ZNF556: variants seen among roughly 807,000 people sequenced by gnomAD.
ZNF556 encodes the protein zinc finger protein 556.
Under a neutral mutation model 13.6 loss-of-function variants are expected in ZNF556, and 11 were observed. The ratio of observed to expected loss-of-function variants is 0.81; its 90% CI spans 0.51 to 1.33. The LOEUF (loss-of-function observed/expected upper bound fraction) is 1.33. Ranked by LOEUF, ZNF556 falls within the 40% of genes most tolerant of loss-of-function variation. The probability of loss-of-function intolerance (pLI) is 0.00; values close to 1 mark genes in which losing one functional copy is unlikely to be tolerated. For missense variants in ZNF556, 633 were observed against 566.2 expected, an observed-to-expected ratio of 1.12 and a Z score of -1.20; for synonymous variants, 229 against 207.8, an observed-to-expected ratio of 1.10 and a Z score of -0.88.
intron 1 of ZNF556, among the ~76,000 whole-genome samples, chr19:2,869,668 A>T (rs1226595995): frequency 6.6e-6 from 1 of 151,948 alleles, no homozygotes; most frequent in African/African-American, 2.4e-5. Flanking sequence ...CGCCCGGCCT[A>T]GATCTCCTCT....
intron 1 of ZNF556, among the ~76,000 whole-genome samples, chr19:2,867,715 A>AC (rs967527658): frequency 7.0e-6 from 1 of 143,304 alleles, no homozygotes; most frequent in African/African-American, 2.7e-5. Context: ...CAAAGTACAA[A>AC]AAACAAAACA....
chr19:2,867,940 T>A (rs536636862), intron 1 of ZNF556, among the ~76,000 whole-genome samples: 11 of 152,262 alleles, frequency 7.2e-5, no homozygotes, highest in Non-Finnish European at 1.3e-4. Context: ...CCTCTCTCCT[T>A]CTAAAGATTG....
chr19:2,874,332 A>G (rs2087831651), intron 2 of ZNF556, among the ~76,000 whole-genome samples: 1 of 152,182 alleles, frequency 6.6e-6, no homozygotes, highest in Admixed American at 6.5e-5. Flanking sequence ...CAGAAGGGGA[A>G]TACATTGGTT....
intron 1 of ZNF556, among the ~76,000 whole-genome samples, chr19:2,869,817 G>A (rs368956395): frequency 6.6e-5 from 10 of 152,254 alleles, no homozygotes; most frequent in Middle Eastern, 3.4e-3. Flanking sequence ...TGTCAGATGA[G>A]ATCACTGCTC....
chr19:2,871,363 G>A (rs1432810340), intron 1 of ZNF556, among the ~76,000 whole-genome samples: 1 of 152,184 alleles, frequency 6.6e-6, no homozygotes. Context: ...GATTCCTAGA[G>A]GAAGAGAGTA....
In ZNF556 at chr19:2,873,590, T is replaced by G. The variant is rs1711978133; in HGVS notation, c.98T>G (p.Met33Arg). The G allele has an allele frequency of 6.2e-7, 1 of 1,614,108 alleles. No individual in the cohort carries two copies. ...CAGAGAAAACTCTACAGAGATGTCA[T>G]GCTGGAGACCTTCAAGCACCTGGCC... ...PAQRKLYRDV[M>R]LETFKHLASV... The change falls in exon 2 of 4, where the codon ATG becomes AGG. Residue 33 changes from methionine to arginine, a missense_variant. Met to Arg is a moderately conservative substitution (Grantham distance 91). Transcript: ENST00000307635.
Position 2,877,539 on chromosome 19 carries a change from AG to A in ZNF556, c.582del (p.Thr196LeufsTer27), listed in dbSNP as rs1172671909. The A allele has an allele frequency of 6.2e-7, 1 of 1,613,994 alleles. No homozygotes were observed. Among genetic ancestry groups the A allele is most frequent in the Non-Finnish European group, 8.5e-7 (1 of 1,180,030 alleles). ...CGCCCTTCCTACCTACAGACGCATG[AG>A]AAAACTCACAGTGGAGAGAAACCCT... is the stretch of plus-strand genomic sequence containing the variant. ...FSRPSYLQTH[E>X]KTHSGEKPYA... On this transcript the variant is annotated frameshift_variant, in exon 4 of 4. Coordinates refer to ENST00000307635, the MANE Select transcript of ZNF556 (RefSeq NM_024967.3). LOFTEE classifies it low-confidence loss of function (END_TRUNC).
At chr19:2,874,273 A>T (rs2087831169) in intron 2 of ZNF556, among the ~76,000 whole-genome samples, 1 of 152,064 alleles carries the variant, frequency 6.6e-6, no homozygotes, top group Admixed American at 6.6e-5. Flanking sequence ...TAAATAAATA[A>T]ATAAATAAAT....
At position 2,867,412 on chromosome 19, in the gene ZNF556, C is replaced by T. The variant is rs1220991681; in HGVS notation, c.-10C>T. On this transcript the variant is annotated 5_prime_UTR_variant, in exon 1 of 4. In the 5' UTR this introduces an upstream ATG that the reference lacks. Transcript: ENST00000307635. ...GGGAGCTCCTCAAAGAGCTCAGGAA[C>T]GGACAGGACATGGTGAGTGCAGGGC... 8 of 1,583,904 alleles carry T rather than the reference C, an allele frequency of 5.1e-6. No individual in the cohort carries two copies. The highest frequency in any genetic ancestry group is 2.3e-5 in the South Asian group (2 of 86,288).
intron 1 of ZNF556, among the ~76,000 whole-genome samples, chr19:2,870,893 G>T (rs1469514154): frequency 6.6e-6 from 1 of 151,378 alleles, no homozygotes; most frequent in Non-Finnish European, 1.5e-5. Context: ...CAAAAAATTA[G>T]CCAGGCATGG....
At chr19:2,868,010 T>C (rs1599575634) in intron 1 of ZNF556, among the ~76,000 whole-genome samples, 1 of 152,204 alleles carries the variant, frequency 6.6e-6, no homozygotes, top group African/African-American at 2.4e-5. Flanking sequence ...AATAATAGAG[T>C]TTGAAAGATA....
intron 2 of ZNF556, among the ~76,000 whole-genome samples, chr19:2,874,057 G>A (rs952216370): frequency 4.0e-5 from 6 of 148,230 alleles, no homozygotes; most frequent in African/African-American, 1.5e-4. Flanking sequence ...AGGAGTTCGA[G>A]ACCAGCCTGG....
At chr19:2,876,372 C>G in intron 3 of ZNF556, 96 bp downstream of exon 3, 1 of 1,271,434 alleles carries the variant, frequency 7.9e-7, no homozygotes. Flanking sequence ...GGCGGATCAC[C>G]TGGGGTGAGG....
At chr19:2,873,158 TA>T (rs2087819481) in intron 1 of ZNF556, among the ~76,000 whole-genome samples, 1 of 151,730 alleles carries the variant, frequency 6.6e-6, no homozygotes, top group African/African-American at 2.4e-5. Context: ...TGAAATGTAC[TA>T]AGAGTGTAAA....
At position 2,878,053 on chromosome 19, in the gene ZNF556, TAG is replaced by T. The variant is rs1462773813; in HGVS notation, c.1101_1102del (p.Lys368SerfsTer3). Reference sequence around the variant, plus strand: ...CCTCCACAGATGTCAAATCACAAACTAGAGAGAAAGTCTATAAATGTGAAACG... The same window carrying T: ...CCTCCACAGATGTCAAATCACAAACTAGAGAAAGTCTATAAATGTGAAACG... ...RPSTDVKSQT[R>X]EKVYKCETCG... On this transcript the variant is annotated frameshift_variant, in exon 4 of 4. Transcript: ENST00000307635. LOFTEE classifies it low-confidence loss of function (END_TRUNC). The T allele has an allele frequency of 2.5e-6, 4 of 1,614,028 alleles. No individual in the cohort carries two copies. In the East Asian group the frequency reaches 8.9e-5, roughly 36 times the overall value.
chr19:2,873,995 G>A (rs1052853377), intron 2 of ZNF556, among the ~76,000 whole-genome samples: 8 of 152,028 alleles, frequency 5.3e-5, no homozygotes, highest in Non-Finnish European at 1.0e-4. Context: ...GGTGGCTCAC[G>A]CCTGTCATCT....
rs1035667587 is a variant in ZNF556, at chr19:2,881,619, ATAAAG to A, written c.*3293_*3297del. 4.6e-5 allele frequency: 7 copies of A among 152,134 alleles called. No individual in the cohort carries two copies. The highest frequency in any genetic ancestry group is 8.8e-5 in the Non-Finnish European group (6 of 68,026). 9.4% of individuals were successfully genotyped at this position (152,134 alleles called of 1,614,324 possible). A position where few individuals can be genotyped will look rare whatever the true frequency, so the allele number is the denominator to read the frequency against. Reference sequence around the variant, plus strand: ...TTTTTTTGGATAATATCAAGGCAGAATAAAGTATAGTATCAAACTTGACAAGGTAG... The same window carrying A: ...TTTTTTTGGATAATATCAAGGCAGAATATAGTATCAAACTTGACAAGGTAG... On this transcript the variant is annotated 3_prime_UTR_variant, in exon 4 of 4. Coordinates refer to ENST00000307635, the MANE Select transcript of ZNF556 (RefSeq NM_024967.3).
intron 1 of ZNF556, among the ~76,000 whole-genome samples, chr19:2,869,390 G>A (rs756228632): frequency 7.9e-5 from 12 of 151,742 alleles, no homozygotes; most frequent in Non-Finnish European, 1.3e-4. Context: ...TTTTTGAGAC[G>A]GAGTCTTGCT....
At position 2,877,460 on chromosome 19, in the gene ZNF556, G is replaced by A. The variant is rs2087863307; in HGVS notation, c.502G>A (p.Ala168Thr). Residue 168 changes from alanine to threonine, a missense_variant, in exon 4 of 4, where the codon GCT becomes ACT. Coordinates refer to ENST00000307635, the MANE Select transcript of ZNF556 (RefSeq NM_024967.3). ...CTCATCCCTGATAAGGCACAAAAGA[G>A]CTCACTCTGGACAAAAATTATATAA... Reference protein sequence around the residue: ...HSSSLIRHKRAHSGQKLYKCK... With the variant: ...HSSSLIRHKRTHSGQKLYKCK... 6.2e-7 allele frequency: 1 copy of A among 1,614,132 alleles called. No individual in the cohort carries two copies.
Sources: allele counts gnomAD v4.1 joint callset (sites outside exome capture counted in the v4.1 genomes callset), GRCh38; gene constraint gnomAD v4.1.1; transcripts MANE v1.5; gene names NCBI Gene and HGNC (gene_info 2026-07-23, HGNC 2026-07-21).